Variants in TCP11 observed in about 807,000 individuals in gnomAD.
TCP11 encodes t-complex 11.
TCP11 carries 34 observed loss-of-function variants against 45.0 expected under a neutral mutation model. That is an observed-to-expected ratio of 0.76 (90% CI 0.57 to 1.01). TCP11 has a LOEUF of 1.01. Ranked by LOEUF, TCP11 falls within the 50% of genes least tolerant of loss-of-function variation. The pLI, the probability that TCP11 is intolerant of heterozygous loss-of-function variation, is 0.00. For synonymous variants in TCP11, 227 were observed against 227.0 expected (o/e 1.00, Z 0.00); for missense variants, 523 against 598.1 (o/e 0.87, Z 1.31).
Position 35,120,045 on chromosome 6 carries a change from T to C in TCP11, c.1115+114A>G. On this transcript the variant is annotated intron_variant, in intron 8 of 9. Transcript: ENST00000311875. The surrounding 1 kb of genome is among the most constrained non-coding windows in gnomAD (Gnocchi z 4.9). ...AGAAACCAACAATCTTTGTAGATGG[T>C]TCCACAGGGCCTTTCTGTGGTTTGT... The C allele has an allele frequency of 7.6e-7, 1 of 1,314,424 alleles. No homozygotes were observed. Among genetic ancestry groups the C allele is most frequent in the Non-Finnish European group, 1.0e-6 (1 of 969,968 alleles). 81.4% of individuals were successfully genotyped at this position (1,314,424 alleles called of 1,614,324 possible).
intron 4 of TCP11, among the ~76,000 whole-genome samples, chr6:35,125,964 G>A (rs1471920345): frequency 2.0e-5 from 3 of 152,164 alleles, no homozygotes; most frequent in Non-Finnish European, 2.9e-5. Flanking sequence ...CAAATTCATA[G>A]AGACAGAAAG....
rs1581804598 is a variant in TCP11 at position 35,122,072 on chromosome 6, T to G, written c.578+45A>C. ...TAGGTCTGGCCCAGCTTTTCCGGGCTCAGGGGCTAAAGCAGGTTTTTGGGG... is the reference window on the plus strand; with the variant it reads ...TAGGTCTGGCCCAGCTTTTCCGGGCGCAGGGGCTAAAGCAGGTTTTTGGGG... On this transcript the variant is annotated intron_variant, in intron 5 of 9. Transcript: ENST00000311875. 13 of 1,600,466 alleles carry G rather than the reference T, an allele frequency of 8.1e-6. No individual in the cohort carries two copies. In the African/African-American group the frequency reaches 9.4e-5, roughly 12 times the overall value.
intron 4 of TCP11, among the ~76,000 whole-genome samples, chr6:35,123,568 G>A (rs1779508788): frequency 6.6e-6 from 1 of 151,804 alleles, no homozygotes; most frequent in Non-Finnish European, 1.5e-5. Flanking sequence ...TCCAACTCCT[G>A]AGCCCAAGTG....
rs1238385857 is a variant in TCP11, at chr6:35,121,052, CA to C, written c.579-8del. The C allele has an allele frequency of 6.2e-7, 1 of 1,600,158 alleles. No individual in the cohort carries two copies. The highest frequency in any genetic ancestry group is 8.5e-7 in the Non-Finnish European group (1 of 1,172,416). On this transcript the variant is annotated splice_polypyrimidine_tract_variant and splice_region_variant and intron_variant, in intron 5 of 9. Transcript: ENST00000311875. ...CAGAACCTGGAAGATCCCTCTGACA[CA>C]GGGGGAAAGAGAATATTTATACTAC...
intron 2 of TCP11, chr6:35,140,493 G>T (rs1163681209): frequency 6.4e-6 from 4 of 620,798 alleles, no homozygotes; most frequent in Non-Finnish European, 1.2e-5. Flanking sequence ...ACAAAGGAGG[G>T]CTTTGAACCG....
intron 3 of TCP11, among the ~76,000 whole-genome samples, chr6:35,135,061 T>G (rs777808169): frequency 1.6e-4 from 24 of 151,482 alleles, no homozygotes; most frequent in Non-Finnish European, 2.5e-4. Context: ...GCAGGATAAT[T>G]GCTTGAACCT....
chr6:35,118,613 GC>G (rs1334670512), intron 9 of TCP11, 112 bp from the exon 10 acceptor site: 2 of 916,620 alleles, frequency 2.2e-6, no homozygotes, highest in African/African-American at 1.7e-5. Context: ...GTACCAACCT[GC>G]CCCCCTACCT....
chr6:35,140,937 T>A, intron 1 of TCP11, 53 bp from the exon 2 acceptor site: 1 of 1,476,110 alleles, frequency 6.8e-7, no homozygotes, highest in Middle Eastern at 1.8e-4. Context: ...GCCTCCCCAA[T>A]TGCCAAGGGG....
chr6:35,122,451 G>T (rs1779385566), intron 4 of TCP11, 114 bp from the exon 5 acceptor site: 1 of 923,764 alleles, frequency 1.1e-6, no homozygotes, highest in Non-Finnish European at 1.6e-6. Flanking sequence ...GGATCAAGAA[G>T]TTGGGTCCCT....
chr6:35,137,735 T>C (rs1181017294), intron 2 of TCP11: 1 of 453,600 alleles, frequency 2.2e-6, no homozygotes, highest in Non-Finnish European at 4.4e-6. Flanking sequence ...CAATAAATCA[T>C]ATTTTATCAC....
At chr6:35,122,745 T>C (rs929651324) in intron 4 of TCP11, among the ~76,000 whole-genome samples, 4 of 152,168 alleles carry the variant, frequency 2.6e-5, no homozygotes, top group African/African-American at 7.2e-5. Flanking sequence ...TGCAAGTCAC[T>C]GAAATAGCCT....
At chr6:35,135,171 G>A (rs1315486069) in intron 3 of TCP11, among the ~76,000 whole-genome samples, 1 of 150,396 alleles carries the variant, frequency 6.6e-6, no homozygotes, top group Non-Finnish European at 1.5e-5. Flanking sequence ...AAAGAATGTA[G>A]CAGAAACAAT....
chr6:35,132,297 A>G lies in TCP11; in HGVS notation c.237-3115T>C, dbSNP rs1780542881. Among the ~76,000 whole-genome samples the G allele has an allele frequency of 2.0e-5, 3 of 152,194 alleles. No individual in the cohort carries two copies. The South Asian group carries it at 6.2e-4, about 32-fold the overall frequency. On this transcript the variant is annotated intron_variant, in intron 3 of 9. Coordinates refer to ENST00000311875, the MANE Select transcript of TCP11 (RefSeq NM_001370687.1). ...CCTGGAAAGCACTTATTCAACATCC[A>G]AGACTCAAGTCTTCATAGGCCTAAC...
chr6:35,132,389 T>C (rs1020185575), intron 3 of TCP11, among the ~76,000 whole-genome samples: 8 of 152,224 alleles, frequency 5.3e-5, no homozygotes, highest in African/African-American at 1.9e-4. Context: ...AAACTCTATA[T>C]ATGCATAGCT....
At chr6:35,122,066 C>T in intron 5 of TCP11, 51 bp downstream of exon 5, 1 of 1,589,888 alleles carries the variant, frequency 6.3e-7, no homozygotes, top group Non-Finnish European at 8.6e-7. Flanking sequence ...CCCAGCTTTT[C>T]CGGGCTCAGG....
intron 2 of TCP11, chr6:35,140,385 G>A: frequency 1.8e-6 from 1 of 556,602 alleles, no homozygotes. Context: ...AGTTAGCAAA[G>A]CGCTGAGAAA....
chr6:35,118,581 C>T (rs1268779831), intron 9 of TCP11, 80 bp from the exon 10 acceptor site: 1 of 1,323,574 alleles, frequency 7.6e-7, no homozygotes, highest in Admixed American at 2.3e-5. Flanking sequence ...TCTACTCACC[C>T]ATGTTCTAAG....
At chr6:35,124,581 CA>C (rs1271547863) in intron 4 of TCP11, among the ~76,000 whole-genome samples, 2 of 152,102 alleles carry the variant, frequency 1.3e-5, no homozygotes, top group African/African-American at 4.8e-5. Flanking sequence ...ACATGCACAG[CA>C]GCAATCTATT....
Position 35,136,121 on chromosome 6 carries a change from A to T in TCP11, c.222T>A (p.Val74=). 1 of 1,613,602 alleles carries T rather than the reference A, an allele frequency of 6.2e-7. No individual in the cohort carries two copies. ...MNCDYYMEEK[V]LPPSSLEGKV... ...AGAGTCTATACCTGCTTGGAGGTAA[A>T]ACCTTCTCTTCCATGTAGTAATCAC... The change falls in exon 3 of 10, where the codon GTT becomes GTA. Residue 74 remains valine (V), a synonymous_variant. Coordinates refer to ENST00000311875, the MANE Select transcript of TCP11 (RefSeq NM_001370687.1).
Sources: gnomAD v4.1 joint callset for allele counts (sites outside exome capture counted in the v4.1 genomes callset) on GRCh38, gnomAD v4.1.1 for gene constraint, Gnocchi (gnomAD v3.1) non-coding constraint, MANE v1.5 for transcripts, NCBI Gene and HGNC (gene_info 2026-07-23, HGNC 2026-07-21) for gene names.